The following SUPT3H variants were observed in gnomAD, a reference collection of about 807,000 sequenced individuals.
SUPT3H encodes transcription initiation protein SPT3 homolog.
In SUPT3H, 44 loss-of-function variants were observed where a neutral mutation model predicts 44.3. That is an observed-to-expected ratio of 0.99 (90% confidence interval 0.78 to 1.28). The LOEUF is 1.28. SUPT3H is among the 50% of genes most tolerant of loss of function. The pLI, the probability that SUPT3H is intolerant of heterozygous loss-of-function variation, is 0.00. For missense variants in SUPT3H, 380 were observed against 387.1 expected (o/e 0.98, Z 0.15); for synonymous variants, 124 against 125.6 (o/e 0.99, Z 0.09).
intron 2 of SUPT3H, among the ~76,000 whole-genome samples, chr6:45,187,016 C>A (rs953945203): frequency 6.0e-5 from 9 of 150,756 alleles, no homozygotes; most frequent in African/African-American, 1.7e-4. Context: ...ACCCCTGTAG[C>A]CCCAACTACT....
chr6:45,099,201 T>C, intron 3 of SUPT3H: 1 of 240,042 alleles, frequency 4.2e-6, no homozygotes, highest in Non-Finnish European at 8.3e-6. Flanking sequence ...CCAGGATTAA[T>C]CCACTATCTT....
intron 2 of SUPT3H, among the ~76,000 whole-genome samples, chr6:45,219,548 C>T (rs536880373): frequency 5.9e-5 from 9 of 152,082 alleles, no homozygotes; most frequent in Non-Finnish European, 1.0e-4. Context: ...CAAGCCAATT[C>T]CTTGAAAACC....
intron 2 of SUPT3H, among the ~76,000 whole-genome samples, chr6:45,347,022 T>C (rs1791020667): frequency 6.6e-6 from 1 of 152,096 alleles, no homozygotes; most frequent in South Asian, 2.1e-4. Flanking sequence ...AAAAATAACT[T>C]ACATGGCTGA....
chr6:45,356,343 T>C (rs903196059), intron 2 of SUPT3H, among the ~76,000 whole-genome samples: 1 of 152,096 alleles, frequency 6.6e-6, no homozygotes, highest in African/African-American at 2.4e-5. Context: ...TACACACATA[T>C]ATGTTAATAT....
chr6:45,022,415 GTT>G (rs3053670), intron 3 of SUPT3H, among the ~76,000 whole-genome samples: 132,273 of 141,646 alleles, frequency 0.93, 61,683 homozygotes, highest in East Asian at 0.99. Context: ...TGGAATCACT[GTT>G]TTTTTTTTTT....
At chr6:45,329,086 C>T (rs377230483) in intron 2 of SUPT3H, among the ~76,000 whole-genome samples, 1 of 151,808 alleles carries the variant, frequency 6.6e-6, no homozygotes, top group East Asian at 1.9e-4. Flanking sequence ...CAGTTTAATA[C>T]TCTCATTAAC....
intron 2 of SUPT3H, among the ~76,000 whole-genome samples, chr6:45,296,567 C>T (rs896506699): frequency 6.6e-6 from 1 of 151,302 alleles, no homozygotes; most frequent in African/African-American, 2.4e-5. Context: ...GGTGAAACCC[C>T]GTCTCTACTA....
chr6:45,230,686 A>ATATATATATATATATATATT (rs796866510), intron 2 of SUPT3H, among the ~76,000 whole-genome samples: 14 of 116,810 alleles, frequency 1.2e-4, no homozygotes, highest in East Asian at 4.7e-4. Context: ...ATATATATAT[A>ATATATATATATATATATATT]TTTTTGAGAT....
intron 2 of SUPT3H, among the ~76,000 whole-genome samples, chr6:45,127,261 C>T (rs1802586922): frequency 6.6e-6 from 1 of 152,146 alleles, no homozygotes; most frequent in African/African-American, 2.4e-5. Flanking sequence ...TTGCAGTGAG[C>T]TGAGATCGTG....
chr6:44,819,761 G>C (rs556447117), intron 11 of SUPT3H, among the ~76,000 whole-genome samples: 2 of 151,546 alleles, frequency 1.3e-5, no homozygotes, highest in South Asian at 4.2e-4. Flanking sequence ...GGGTGACAGA[G>C]TAAGACCCTG....
chr6:45,033,855 A>G (rs1032302107), intron 3 of SUPT3H, among the ~76,000 whole-genome samples: 1 of 152,132 alleles, frequency 6.6e-6, no homozygotes, highest in Admixed American at 6.6e-5. Context: ...GCCTGAAGGC[A>G]AATCAGATTA....
intron 10 of SUPT3H, among the ~76,000 whole-genome samples, chr6:44,882,248 T>C (rs572261340): frequency 4.6e-5 from 7 of 152,230 alleles, no homozygotes; most frequent in Admixed American, 2.6e-4. Flanking sequence ...CAGAGAAAAC[T>C]ATAAACACCT....
rs1040070656 is a variant in SUPT3H, at chr6:45,101,672, A to C, written c.186+4250T>G. 2.0e-5 allele frequency among the ~76,000 whole-genome samples: 3 copies of C among 152,214 alleles called. No individual in the cohort carries two copies. In the East Asian group the frequency reaches 5.8e-4, roughly 29 times the overall value. ...AATATTCCCAACACAAAGAAATCAT[A>C]AATGTTTAAGGTAACGAATATGCTA... On this transcript the variant is annotated intron_variant, in intron 3 of 10. Coordinates refer to ENST00000371459, the MANE Select transcript of SUPT3H (RefSeq NM_003599.4).
At chr6:45,101,392 T>A (rs891103535) in intron 3 of SUPT3H, among the ~76,000 whole-genome samples, 5 of 152,198 alleles carry the variant, frequency 3.3e-5, no homozygotes, top group African/African-American at 1.2e-4. Context: ...GCCATTGCAC[T>A]CCAGCCTGGG....
intron 6 of SUPT3H, among the ~76,000 whole-genome samples, chr6:44,978,057 G>A (rs1778585581): frequency 6.6e-6 from 1 of 152,080 alleles, no homozygotes; most frequent in South Asian, 2.1e-4. Context: ...ATTTTACTCG[G>A]TGGTAGTAGT....
At chr6:45,331,779 A>C (rs1394938328) in intron 2 of SUPT3H, among the ~76,000 whole-genome samples, 1 of 151,962 alleles carries the variant, frequency 6.6e-6, no homozygotes, top group Non-Finnish European at 1.5e-5. Context: ...AATATACATG[A>C]TTACATTATG....
chr6:45,261,992 A>G (rs1271693920), intron 2 of SUPT3H, among the ~76,000 whole-genome samples: 1 of 152,164 alleles, frequency 6.6e-6, no homozygotes, highest in Non-Finnish European at 1.5e-5. Flanking sequence ...CACAAATAGC[A>G]TCAAATACCC....
chr6:44,909,142 C>CGCGTGT (rs1554162590), intron 10 of SUPT3H, among the ~76,000 whole-genome samples: 8 of 146,958 alleles, frequency 5.4e-5, no homozygotes, highest in African/African-American at 2.0e-4. Context: ...TGTGTGTGTG[C>CGCGTGT]GTGTGTGTGT....
chr6:45,341,726 A>T (rs896825135), intron 2 of SUPT3H, among the ~76,000 whole-genome samples: 1 of 152,232 alleles, frequency 6.6e-6, no homozygotes, highest in South Asian at 2.1e-4. Flanking sequence ...CAGCAGTAGC[A>T]ATATTATTAC....
Sources: gnomAD v4.1 joint callset for allele counts (sites outside exome capture counted in the v4.1 genomes callset) on GRCh38, gnomAD v4.1.1 for gene constraint, MANE v1.5 for transcripts, NCBI Gene and HGNC (gene_info 2026-07-23, HGNC 2026-07-21) for gene names.